TEAD1: variants seen among roughly 807,000 people sequenced by gnomAD.
TEAD1 encodes the protein TEA domain transcription factor 1, also known as transcriptional enhancer factor TEF-1.
In TEAD1, 9 loss-of-function variants were observed where a neutral mutation model predicts 54.9. That is an observed-to-expected ratio of 0.16 (90% confidence interval 0.10 to 0.29). The LOEUF (loss-of-function observed/expected upper bound fraction) is 0.29. Ranked by LOEUF, TEAD1 falls within the 10% of genes least tolerant of loss-of-function variation. TEAD1 has a pLI of 1.00. For missense variants in TEAD1, 387 were observed against 535.9 expected (o/e 0.72, Z 2.74); for synonymous variants, 200 against 187.8 (o/e 1.07, Z -0.53).
chr11:12,764,631 G>A (rs1945166940), intron 3 of TEAD1, among the ~76,000 whole-genome samples, 197 bp downstream of exon 3: 1 of 151,824 alleles, frequency 6.6e-6, no homozygotes, highest in Non-Finnish European at 1.5e-5. Context: ...AAAAGAAAAG[G>A]ACCCCTGGGC....
At chr11:12,711,612 G>T (rs867800013) in intron 2 of TEAD1, among the ~76,000 whole-genome samples, 1 of 152,154 alleles carries the variant, frequency 6.6e-6, no homozygotes, top group Non-Finnish European at 1.5e-5. Flanking sequence ...CCCTACATCT[G>T]GGAATGCAGT....
chr11:12,865,463 A>G (rs1947597889), intron 5 of TEAD1: 1 of 156,754 alleles, frequency 6.4e-6, no homozygotes, highest in African/African-American at 2.4e-5. Context: ...TTTCTTCCAC[A>G]TTGCTTACTA....
At chr11:12,872,080 A>G (rs577285762) in intron 5 of TEAD1, among the ~76,000 whole-genome samples, 12 of 152,288 alleles carry the variant, frequency 7.9e-5, no homozygotes, top group East Asian at 1.9e-4. Context: ...GTTCCTTCCA[A>G]TAGGCAGAGA....
At chr11:12,847,711 C>T (rs911238225) in intron 3 of TEAD1, among the ~76,000 whole-genome samples, 19 of 152,072 alleles carry the variant, frequency 1.2e-4, no homozygotes, top group African/African-American at 3.9e-4. Context: ...TTTTTAGAGA[C>T]GGGTCTTGCT....
chr11:12,703,464 C>T (rs1273317006), intron 2 of TEAD1, among the ~76,000 whole-genome samples: 2 of 152,146 alleles, frequency 1.3e-5, no homozygotes, highest in Non-Finnish European at 2.9e-5. Flanking sequence ...GTTTTGCCTG[C>T]CCAAGCCTCC....
intron 2 of TEAD1, among the ~76,000 whole-genome samples, chr11:12,728,340 A>G (rs1275339116): frequency 6.6e-6 from 1 of 152,116 alleles, no homozygotes; most frequent in Non-Finnish European, 1.5e-5. Flanking sequence ...GCAACATTCG[A>G]TATTAATGTT....
chr11:12,763,541 T>C (rs1945141377), intron 2 of TEAD1, among the ~76,000 whole-genome samples: 1 of 152,226 alleles, frequency 6.6e-6, no homozygotes, highest in South Asian at 2.1e-4. Flanking sequence ...GCTGTCTCAG[T>C]AGAATGAGTA....
In TEAD1 at chr11:12,883,120, G is replaced by T. The variant is rs138555051; in HGVS notation, c.694G>T (p.Asp232Tyr). The T allele has an allele frequency of 1.2e-6, 2 of 1,614,186 alleles. No individual in the cohort carries two copies. Among genetic ancestry groups the T allele is most frequent in the Non-Finnish European group, 8.5e-7 (1 of 1,180,046 alleles). The change falls in exon 9 of 13, where the codon GAC becomes TAC. Residue 232 changes from aspartate to tyrosine, a missense_variant. By Grantham distance (160) the Asp-to-Tyr change is radical. Coordinates refer to ENST00000527636, the MANE Select transcript of TEAD1 (RefSeq NM_021961.6). ...TTTTCTCGAGCAGCAGCGAGACCCA[G>T]ACTCGGTGAGTGTGCCCAGAGAGGT... is the stretch of plus-strand genomic sequence containing the variant.
chr11:12,886,562 A>G (rs1411847565), intron 9 of TEAD1, among the ~76,000 whole-genome samples: 1 of 152,222 alleles, frequency 6.6e-6, no homozygotes. Context: ...CATGGAGCCC[A>G]CACTTGGGTG....
At chr11:12,934,206 C>G (rs1816306774) in intron 12 of TEAD1, among the ~76,000 whole-genome samples, 1 of 152,114 alleles carries the variant, frequency 6.6e-6, no homozygotes, top group Non-Finnish European at 1.5e-5. Flanking sequence ...ACTATGCAGC[C>G]ATAAAAAATG....
At chr11:12,835,450 T>C (rs555989067) in intron 3 of TEAD1, among the ~76,000 whole-genome samples, 19 of 151,828 alleles carry the variant, frequency 1.3e-4, no homozygotes, top group African/African-American at 4.1e-4. Flanking sequence ...GGTGGAATTA[T>C]AGGCTCGTGC....
chr11:12,817,595 C>G (rs1315935007), intron 3 of TEAD1, among the ~76,000 whole-genome samples: 3 of 152,134 alleles, frequency 2.0e-5, no homozygotes, highest in African/African-American at 7.2e-5. Flanking sequence ...TGATGCCCCC[C>G]AAATGAATTA....
intron 2 of TEAD1, among the ~76,000 whole-genome samples, chr11:12,720,061 T>C (rs1359401875): frequency 7.0e-6 from 1 of 142,246 alleles, no homozygotes; most frequent in Non-Finnish European, 1.5e-5. Context: ...GGTGGAGCTC[T>C]GGCCTTGGTC....
intron 3 of TEAD1, among the ~76,000 whole-genome samples, chr11:12,821,831 A>AAC (rs1328019683): frequency 6.6e-6 from 1 of 151,888 alleles, no homozygotes; most frequent in Non-Finnish European, 1.5e-5. Flanking sequence ...CATTTCATGG[A>AAC]ACACACATGT....
chr11:12,878,524 C>T (rs970353615), intron 5 of TEAD1, among the ~76,000 whole-genome samples: 4 of 152,142 alleles, frequency 2.6e-5, no homozygotes, highest in Non-Finnish European at 4.4e-5. Flanking sequence ...TATATGCCTA[C>T]GAGGCTCAAA....
chr11:12,896,207 C>CA (rs750436502), intron 9 of TEAD1, among the ~76,000 whole-genome samples: 36 of 152,282 alleles, frequency 2.4e-4, no homozygotes, highest in Non-Finnish European at 5.0e-4. Context: ...AATTCACCCT[C>CA]AAAGTTTCGA....
At chr11:12,765,837 G>A (rs1945196779) in intron 3 of TEAD1, among the ~76,000 whole-genome samples, 1 of 152,204 alleles carries the variant, frequency 6.6e-6, no homozygotes, top group South Asian at 2.1e-4. Flanking sequence ...AAATATCTCA[G>A]CTACTATGGG....
rs76316582 is a variant in TEAD1, at chr11:12,734,842, A to G, written c.-54-29337A>G. On this transcript the variant is annotated intron_variant, in intron 2 of 12. Transcript: ENST00000527636. ...ATGTACGATGACGAAATTGACTGAC[A>G]ACACATTTTGTTAAGCAACATGTGA... 3.4e-3 allele frequency among the ~76,000 whole-genome samples: 511 copies of G among 152,320 alleles called. 2 individuals are homozygous for G. Among genetic ancestry groups the G allele is most frequent in the African/African-American group, 0.012 (485 of 41,570 alleles).
rs1949124272 is a variant in TEAD1, at chr11:12,937,848, G to T, written c.*626G>T. 1 of 152,098 alleles carries T rather than the reference G, an allele frequency of 6.6e-6. No individual in the cohort carries two copies. The highest frequency in any genetic ancestry group is 2.4e-5 in the African/African-American group (1 of 41,208). 9.4% of individuals were successfully genotyped at this position (152,098 alleles called of 1,614,324 possible). Reference sequence around the variant, plus strand: ...TAAACTATAGCCTTAAGAAATGCTTGGTAGAAGTGTCCTAATGAGACAAAT... The same window carrying T: ...TAAACTATAGCCTTAAGAAATGCTTTGTAGAAGTGTCCTAATGAGACAAAT... On this transcript the variant is annotated 3_prime_UTR_variant, in exon 13 of 13. Transcript: ENST00000527636.
Sources: gnomAD v4.1 joint callset for allele counts (sites outside exome capture counted in the v4.1 genomes callset) on GRCh38, gnomAD v4.1.1 for gene constraint, MANE v1.5 for transcripts, NCBI Gene and HGNC (gene_info 2026-07-23, HGNC 2026-07-21) for gene names.